Variants in NRIP1 observed in about 807,000 individuals in gnomAD.
The protein encoded by NRIP1 is nuclear receptor interacting protein 1, also known as nuclear receptor-interacting protein 1.
A neutral mutation model predicts 75.0 loss-of-function variants in NRIP1; 28 were observed. The observed-to-expected ratio is 0.37, with a 90% CI of 0.28 to 0.51. The LOEUF (loss-of-function observed/expected upper bound fraction) is 0.51. Among genes scored for constraint, NRIP1 ranks in the 20% least tolerant of loss-of-function variants. The pLI is 0.92. For missense variants in NRIP1, 1,435 were observed against 1,343.7 expected (o/e 1.07, Z -1.06); for synonymous variants, 526 against 487.6 (o/e 1.08, Z -1.04).
At chr21:15,036,778 T>C (rs998010300) in intron 2 of NRIP1, among the ~76,000 whole-genome samples, 3 of 152,252 alleles carry the variant, frequency 2.0e-5, no homozygotes, top group Non-Finnish European at 4.4e-5. Flanking sequence ...AGAAATAGAA[T>C]TGAAAAGGTT....
At chr21:15,016,777 C>T (rs1049516232) in intron 2 of NRIP1, among the ~76,000 whole-genome samples, 7 of 151,798 alleles carry the variant, frequency 4.6e-5, no homozygotes, top group Non-Finnish European at 1.5e-5. Flanking sequence ...CCCAGCTACT[C>T]GGGAGGCTGA....
chr21:15,059,080 C>T (rs1362019166), intron 1 of NRIP1, among the ~76,000 whole-genome samples: 1 of 152,162 alleles, frequency 6.6e-6, no homozygotes, highest in Non-Finnish European at 1.5e-5. Context: ...AATTAGAAGT[C>T]CAAGGGTGAG....
intron 3 of NRIP1, among the ~76,000 whole-genome samples, chr21:14,978,598 G>A (rs1042855250): frequency 6.6e-6 from 1 of 152,120 alleles, no homozygotes; most frequent in Non-Finnish European, 1.5e-5. Flanking sequence ...GATCTTTGAT[G>A]ACACAAATAA....
At chr21:15,020,225 C>T (rs576009788) in intron 2 of NRIP1, among the ~76,000 whole-genome samples, 1 of 152,108 alleles carries the variant, frequency 6.6e-6, no homozygotes, top group Admixed American at 6.5e-5. Flanking sequence ...TATATGGTAA[C>T]CAACAGTGTT....
intron 1 of NRIP1, chr21:15,052,126 T>C (rs2089214524): frequency 6.6e-6 from 1 of 152,150 alleles, no homozygotes. Context: ...CATTTGAAAG[T>C]AAAACCTCAC....
rs373975511 is a variant in NRIP1, at chr21:14,988,454, T to TAGATAGATAGAC, written c.-334-19929_-334-19928insGTCTATCTATCT. On this transcript the variant is annotated intron_variant, in intron 3 of 3. Transcript: ENST00000318948. ...ATAGATAGATAGATAGATAGATAGA[T>TAGATAGATAGAC]AGACAGACAGATAGATAGATAATAT... Among the ~76,000 whole-genome samples, 857 of 122,478 alleles carry TAGATAGATAGAC rather than the reference T, an allele frequency of 7.0e-3. 9 individuals carry two copies. The highest frequency in any genetic ancestry group is 0.024 in the African/African-American group (788 of 32,948). 80.4% of individuals were successfully genotyped at this position (122,478 alleles called of 152,430 possible).
Position 15,022,279 on chromosome 21 carries a change from G to A in NRIP1, c.-457-7813C>T, listed in dbSNP as rs142191755. 3.3e-5 allele frequency among the ~76,000 whole-genome samples: 5 copies of A among 152,256 alleles called. No individual in the cohort carries two copies. In the East Asian group the frequency reaches 5.8e-4, roughly 18 times the overall value. ...AAGCCATTATCCTCAGCAAACTAAC[G>A]CGGAACAGAAAACCAAGCACTGTAT... On this transcript the variant is annotated intron_variant, in intron 2 of 3. Coordinates refer to ENST00000318948, the MANE Select transcript of NRIP1 (RefSeq NM_003489.4).
chr21:14,966,753 G>A lies in NRIP1; in HGVS notation c.1440C>T (p.Ile480=), dbSNP rs1360964199. 1.2e-6 allele frequency: 2 copies of A among 1,613,868 alleles called. No individual in the cohort carries two copies. Among genetic ancestry groups the A allele is most frequent in the African/African-American group, 2.7e-5 (2 of 74,896 alleles). Residue 480 remains isoleucine (I), a synonymous_variant, in exon 4 of 4, where the codon ATC becomes ATT. Transcript: ENST00000318948. ...TWDPKVPDVD[I]KEDQDTSKNS... is the part of the protein sequence containing the mutation. The stretch of plus-strand genomic sequence containing the variant: ...TCTTTGAGGTATCTTGATCTTCTTT[G>A]ATATCTACATCTGGGACTTTTGGAT...
chr21:15,033,500 C>A (rs1185000211), intron 2 of NRIP1, among the ~76,000 whole-genome samples: 1 of 152,128 alleles, frequency 6.6e-6, no homozygotes, highest in Non-Finnish European at 1.5e-5. Flanking sequence ...TACCCATAAA[C>A]ACTACTTTGG....
intron 2 of NRIP1, among the ~76,000 whole-genome samples, chr21:15,039,543 A>G (rs2088908526): frequency 6.6e-6 from 1 of 152,142 alleles, no homozygotes; most frequent in African/African-American, 2.4e-5. Flanking sequence ...AATAAACATG[A>G]AGAAACATTA....
At chr21:14,994,322 G>C (rs779477825) in intron 3 of NRIP1, among the ~76,000 whole-genome samples, 2 of 152,124 alleles carry the variant, frequency 1.3e-5, no homozygotes, top group South Asian at 2.1e-4. Flanking sequence ...ACGAGGTTTC[G>C]CCATGTTGGC....
At chr21:15,011,114 G>C (rs1346819523) in intron 3 of NRIP1, among the ~76,000 whole-genome samples, 1 of 152,174 alleles carries the variant, frequency 6.6e-6, no homozygotes, top group African/African-American at 2.4e-5. Context: ...ACTTTGAGGA[G>C]TGTTTTATGA....
At chr21:14,973,822 G>A (rs530445702) in intron 3 of NRIP1, among the ~76,000 whole-genome samples, 1 of 149,494 alleles carries the variant, frequency 6.7e-6, no homozygotes, top group African/African-American at 2.5e-5. Flanking sequence ...GAATACAGGT[G>A]TGTGCCACCA....
intron 3 of NRIP1, among the ~76,000 whole-genome samples, chr21:15,004,534 T>C (rs369231016): frequency 6.6e-6 from 1 of 152,202 alleles, no homozygotes; most frequent in East Asian, 1.9e-4. Context: ...AACTAATTTA[T>C]TTGGTAGTTA....
At chr21:14,977,491 C>T (rs1477807654) in intron 3 of NRIP1, among the ~76,000 whole-genome samples, 1 of 152,038 alleles carries the variant, frequency 6.6e-6, no homozygotes, top group Non-Finnish European at 1.5e-5. Flanking sequence ...CTTAATTTCA[C>T]ATAAAAAGAA....
chr21:14,975,709 C>T (rs375051371), intron 3 of NRIP1, among the ~76,000 whole-genome samples: 59 of 149,834 alleles, frequency 3.9e-4, no homozygotes, highest in African/African-American at 1.3e-3. Context: ...AATAGAATGA[C>T]GGTAAAACAG....
At chr21:15,053,114 T>C (rs2089236945) in intron 1 of NRIP1, among the ~76,000 whole-genome samples, 1 of 152,212 alleles carries the variant, frequency 6.6e-6, no homozygotes, top group Non-Finnish European at 1.5e-5. Flanking sequence ...TAAAGTAACA[T>C]GCCATTAAAC....
intron 3 of NRIP1, among the ~76,000 whole-genome samples, chr21:14,985,077 G>T (rs2087357341): frequency 6.6e-6 from 1 of 152,156 alleles, no homozygotes; most frequent in African/African-American, 2.4e-5. Context: ...TCTGAGGTAT[G>T]CTTGTGTTTT....
At chr21:14,973,218 C>A (rs527877139) in intron 3 of NRIP1, among the ~76,000 whole-genome samples, 49 of 149,038 alleles carry the variant, frequency 3.3e-4, no homozygotes, top group Admixed American at 6.0e-4. Flanking sequence ...TGGCTTATGG[C>A]GGATGAGAAG....
Sources: gnomAD v4.1 joint callset for allele counts (sites outside exome capture counted in the v4.1 genomes callset) on GRCh38, gnomAD v4.1.1 for gene constraint, MANE v1.5 for transcripts, NCBI Gene and HGNC (gene_info 2026-07-23, HGNC 2026-07-21) for gene names.